CFAP299: variants seen among roughly 807,000 people sequenced by gnomAD.
The protein encoded by CFAP299 is cilia and flagella associated protein 299, also known as cilia- and flagella-associated protein 299.
CFAP299 carries 21 observed loss-of-function variants against 27.0 expected under a neutral mutation model. The observed-to-expected ratio is 0.78, with a 90% CI of 0.55 to 1.12. CFAP299 has a LOEUF of 1.12. Ranked by LOEUF, CFAP299 falls within the 50% of genes most tolerant of loss-of-function variation. CFAP299 has a pLI of 0.00. For missense variants in CFAP299, 310 were observed against 276.6 expected (o/e 1.12, Z -0.86); for synonymous variants, 104 against 98.1 (o/e 1.06, Z -0.36).
At chr4:80,623,648 C>T (rs1228918863) in intron 3 of CFAP299, among the ~76,000 whole-genome samples, 7 of 152,130 alleles carry the variant, frequency 4.6e-5, no homozygotes, top group Non-Finnish European at 7.4e-5. Context: ...CTCCACCAAA[C>T]CCGGGCAACA....
In CFAP299 at chr4:80,480,242, G is replaced by A. The variant is rs936756860; in HGVS notation, c.243-102851G>A. ...GATACTGCTTGTTATTGTTTATGGTGTTAAAAGGTAAACTGAGGCATAATA... is the reference window on the plus strand; with the variant it reads ...GATACTGCTTGTTATTGTTTATGGTATTAAAAGGTAAACTGAGGCATAATA... On this transcript the variant is annotated intron_variant, in intron 2 of 5. Transcript: ENST00000358105. Among the ~76,000 whole-genome samples, 2 of 151,524 alleles carry A rather than the reference G, an allele frequency of 1.3e-5. 1 individual carries two copies. Among genetic ancestry groups the A allele is most frequent in the Non-Finnish European group, 2.9e-5 (2 of 67,854 alleles).
intron 3 of CFAP299, among the ~76,000 whole-genome samples, chr4:80,642,937 G>A (rs1040931698): frequency 2.0e-5 from 3 of 151,850 alleles, no homozygotes; most frequent in African/African-American, 7.3e-5. Flanking sequence ...AGTGGGGTGG[G>A]GACAGTAAAG....
upstream of CFAP299, among the ~76,000 whole-genome samples, chr4:80,335,399 G>A (rs993386460): frequency 1.3e-5 from 2 of 152,004 alleles, no homozygotes; most frequent in African/African-American, 4.8e-5. Flanking sequence ...AAAATGTCTC[G>A]GTATTTTTGT....
rs1741314851 is a variant in CFAP299, at chr4:80,669,141, CTTTCTTTCTTTTTTTTTTTT to C, written c.333+85962_333+85981del. The stretch of plus-strand genomic sequence containing the variant: ...TTTCTTTTCTTTTCTGTCTTTCTTT[CTTTCTTTCTTTTTTTTTTTT>C]TTTTTTTTTTTTTTTTTGAGACTAA... On this transcript the variant is annotated intron_variant, in intron 3 of 5. Transcript: ENST00000358105. Among the ~76,000 whole-genome samples the C allele has an allele frequency of 3.9e-4, 12 of 30,724 alleles. 1 individual carries two copies. Among genetic ancestry groups the C allele is most frequent in the Non-Finnish European group, 6.9e-4 (11 of 15,964 alleles). 20.2% of individuals were successfully genotyped at this position (30,724 alleles called of 152,430 possible).
chr4:80,494,473 A>G (rs2110143023), intron 2 of CFAP299, among the ~76,000 whole-genome samples: 1 of 152,354 alleles, frequency 6.6e-6, no homozygotes, highest in Middle Eastern at 3.4e-3. Flanking sequence ...ATATGTAAAT[A>G]TCTAAAGTCT....
chr4:80,391,639 T>G (rs1243600955), intron 2 of CFAP299, among the ~76,000 whole-genome samples: 1 of 152,212 alleles, frequency 6.6e-6, no homozygotes, highest in Non-Finnish European at 1.5e-5. Context: ...GTGATGCTGG[T>G]GTAAAGAAAC....
intron 2 of CFAP299, chr4:80,387,165 G>T: frequency 7.3e-7 from 1 of 1,365,494 alleles, no homozygotes; most frequent in Non-Finnish European, 1.0e-6. Flanking sequence ...CCCTTCTTGG[G>T]GCTGTGCTGT....
At chr4:80,361,551 T>C (rs1723549880) in intron 1 of CFAP299, among the ~76,000 whole-genome samples, 1 of 152,214 alleles carries the variant, frequency 6.6e-6, no homozygotes, top group Non-Finnish European at 1.5e-5. Flanking sequence ...TAAAGGATAC[T>C]GGAATAGAGA....
At chr4:80,754,981 T>C (rs566379445) in intron 3 of CFAP299, among the ~76,000 whole-genome samples, 135 of 152,276 alleles carry the variant, frequency 8.9e-4, no homozygotes, top group African/African-American at 3.1e-3. Context: ...TGAGAATAGA[T>C]ATTAATTTTT....
chr4:80,583,573 G>A (rs1257852531), intron 3 of CFAP299, among the ~76,000 whole-genome samples: 1 of 151,842 alleles, frequency 6.6e-6, no homozygotes, highest in Non-Finnish European at 1.5e-5. Flanking sequence ...TAGTACCATA[G>A]TCTGCCTTTT....
At chr4:80,367,369 C>T (rs1723887466) in intron 2 of CFAP299, among the ~76,000 whole-genome samples, 1 of 152,104 alleles carries the variant, frequency 6.6e-6, no homozygotes, top group Non-Finnish European at 1.5e-5. Flanking sequence ...CTTAAAGGCT[C>T]AATTAGAGTT....
intron 3 of CFAP299, among the ~76,000 whole-genome samples, chr4:80,808,075 A>T (rs1336150093): frequency 6.6e-6 from 1 of 152,102 alleles, no homozygotes; most frequent in Non-Finnish European, 1.5e-5. Context: ...TTTATGATAC[A>T]GAACCTTAAA....
At chr4:80,747,449 T>C (rs951473978) in intron 3 of CFAP299, among the ~76,000 whole-genome samples, 1 of 152,080 alleles carries the variant, frequency 6.6e-6, no homozygotes, top group African/African-American at 2.4e-5. Flanking sequence ...GATTGAAATA[T>C]TGTTATGTGG....
the CFAP299 span, among the ~76,000 whole-genome samples, chr4:80,329,169 G>T: frequency 5.4e-5 from 8 of 147,854 alleles, no homozygotes; most frequent in African/African-American, 1.0e-4. Flanking sequence ...GTGGCCCAGG[G>T]AAGCCAAAAG....
intron 4 of CFAP299, among the ~76,000 whole-genome samples, chr4:80,884,693 G>C (rs1733888219): frequency 6.8e-6 from 1 of 147,298 alleles, no homozygotes; most frequent in Admixed American, 6.7e-5. Context: ...GAAACTAAGA[G>C]CTAATTTTTT....
chr4:80,469,313 T>C (rs527560362), intron 2 of CFAP299, among the ~76,000 whole-genome samples: 2 of 152,342 alleles, frequency 1.3e-5, no homozygotes, highest in Admixed American at 6.5e-5. Context: ...GCCAGTGTGC[T>C]GCAATGTATT....
intron 3 of CFAP299, among the ~76,000 whole-genome samples, chr4:80,599,092 A>C (rs747414769): frequency 6.6e-6 from 1 of 152,212 alleles, no homozygotes; most frequent in African/African-American, 2.4e-5. Flanking sequence ...CCAAGGAGAA[A>C]GTCTTTAAGT....
rs1013879660 is a variant in CFAP299, at chr4:80,357,375, C to A, written c.112-5379C>A. On this transcript the variant is annotated intron_variant, in intron 1 of 5. Coordinates refer to ENST00000358105, the MANE Select transcript of CFAP299 (RefSeq NM_152770.3). ...GTGGGATGAGTTAGGGAGAACTCTC[C>A]CCTCTTCAATTTTTTGGAATAGTTT... is the stretch of plus-strand genomic sequence containing the variant. Among the ~76,000 whole-genome samples, 3 of 152,036 alleles carry A rather than the reference C, an allele frequency of 2.0e-5. No homozygotes were observed. The East Asian group carries it at 5.8e-4, about 29-fold the overall frequency.
At position 80,799,783 on chromosome 4, in the gene CFAP299, AT is replaced by A. The variant is rs1229629459; in HGVS notation, c.334-70208del. Among the ~76,000 whole-genome samples, 124 of 36,638 alleles carry A rather than the reference AT, an allele frequency of 3.4e-3. 6 individuals carry two copies. The highest frequency in any genetic ancestry group is 0.013 in the African/African-American group (94 of 7,350). The allele number at this position is 36,638 out of a possible 152,430, so 24.0% of individuals were successfully genotyped here. A position where few individuals can be genotyped will look rare whatever the true frequency, so the allele number is the denominator to read the frequency against. On this transcript the variant is annotated intron_variant, in intron 3 of 5. Transcript: ENST00000358105. ...TATAAATATATTATATGATATATATATTATATATTATATTATATAATATATA... is the reference window on the plus strand; with the variant it reads ...TATAAATATATTATATGATATATATATATATATTATATTATATAATATATA...
Sources: allele counts gnomAD v4.1 joint callset (sites outside exome capture counted in the v4.1 genomes callset), GRCh38; gene constraint gnomAD v4.1.1; transcripts MANE v1.5; gene names NCBI Gene and HGNC (gene_info 2026-07-23, HGNC 2026-07-21).